Variants in TTC3 observed in about 807,000 individuals in gnomAD.
TTC3 encodes the protein tetratricopeptide repeat domain 3.
Under a neutral mutation model 249.6 loss-of-function variants are expected in TTC3, and 180 were observed. That is an observed-to-expected ratio of 0.72 (90% CI 0.64 to 0.82). TTC3 has a LOEUF of 0.82. Among genes scored for constraint, TTC3 ranks in the 40% least tolerant of loss-of-function variants. The probability of loss-of-function intolerance (pLI) is 0.00; values close to 1 mark genes in which losing one functional copy is unlikely to be tolerated. For missense variants in TTC3, 2,061 were observed against 2,398.4 expected (o/e 0.86, Z 2.94); for synonymous variants, 717 against 805.0 (o/e 0.89, Z 1.85).
intron 3 of TTC3, 156 bp from the exon 4 acceptor site, chr21:37,088,040 C>A: frequency 1.1e-6 from 1 of 931,896 alleles, no homozygotes; most frequent in Non-Finnish European, 1.6e-6. Flanking sequence ...AGAGTTTTTG[C>A]CAGCACTTAA....
intron 4 of TTC3, 113 bp downstream of exon 4, chr21:37,088,459 C>A: frequency 7.6e-7 from 1 of 1,317,020 alleles, no homozygotes; most frequent in Non-Finnish European, 1.0e-6. Context: ...TGCTGCTCAA[C>A]GTTTGTGTAA....
chr21:37,158,042 A>G (rs140474820), intron 28 of TTC3: 8,131 of 759,470 alleles, frequency 0.011, 67 homozygotes, highest in East Asian at 0.028. Flanking sequence ...ATAAAGTTCC[A>G]ATGCATATAA....
intron 35 of TTC3, among the ~76,000 whole-genome samples, chr21:37,173,631 G>T (rs2081995038): frequency 6.6e-6 from 1 of 152,206 alleles, no homozygotes; most frequent in Admixed American, 6.5e-5. Flanking sequence ...CAGAAGTCTG[G>T]ATCAATAGCT....
At chr21:37,199,130 T>C (rs2085242511) in intron 44 of TTC3, among the ~76,000 whole-genome samples, 1 of 152,126 alleles carries the variant, frequency 6.6e-6, no homozygotes. Flanking sequence ...GAGTCATGCC[T>C]TGGGAGAGAC....
intron 45 of TTC3, 119 bp from the exon 46 acceptor site, chr21:37,201,321 C>T (rs1286245995): frequency 1.2e-5 from 15 of 1,285,688 alleles, no homozygotes; most frequent in African/African-American, 1.5e-5. Context: ...TTGGGCAGCT[C>T]CAGGCCCAAG....
intron 10 of TTC3, among the ~76,000 whole-genome samples, chr21:37,105,200 A>C (rs2074957899): frequency 6.6e-6 from 1 of 152,168 alleles, no homozygotes; most frequent in African/African-American, 2.4e-5. Context: ...GGAAGCTTGA[A>C]ACATGCCAAT....
At chr21:37,137,081 C>T (rs765831203) in intron 18 of TTC3, among the ~76,000 whole-genome samples, 1 of 152,154 alleles carries the variant, frequency 6.6e-6, no homozygotes, top group Admixed American at 6.6e-5. Flanking sequence ...AGATTCTTTG[C>T]AAAATACTAT....
Position 37,164,074 on chromosome 21 carries a change from GC to G in TTC3, c.3197del (p.Pro1066HisfsTer12), listed in dbSNP as rs781191582. 6.2e-7 allele frequency: 1 copy of G among 1,609,036 alleles called. No homozygotes were observed. The highest frequency in any genetic ancestry group is 8.5e-7 in the Non-Finnish European group (1 of 1,178,904). ...AGCAATCGAAATTCAGATTCTGCAGGCCCATTTGCAGTGCCTGACCATCTTC... is the reference window on the plus strand; with the variant it reads ...AGCAATCGAAATTCAGATTCTGCAGGCCATTTGCAGTGCCTGACCATCTTC... On this transcript the variant is annotated frameshift_variant, in exon 32 of 46. Coordinates refer to ENST00000355666, the Ensembl canonical transcript of TTC3. LOFTEE classifies it high-confidence loss of function.
intron 1 of TTC3, among the ~76,000 whole-genome samples, chr21:37,074,818 C>T (rs1006835885): frequency 6.6e-6 from 1 of 152,180 alleles, no homozygotes; most frequent in African/African-American, 2.4e-5. Flanking sequence ...TGTCTTTGTT[C>T]TGCCCAATTT....
chr21:37,140,398 A>G (rs2835626), intron 19 of TTC3, among the ~76,000 whole-genome samples, 163 bp from the exon 20 acceptor site: 49,696 of 152,042 alleles, frequency 0.33, 8,468 homozygotes, highest in South Asian at 0.52. Flanking sequence ...AGAAATTTAT[A>G]TAATTCCTAA....
chr21:37,127,595 A>G (rs545707690), intron 15 of TTC3, among the ~76,000 whole-genome samples: 1 of 152,344 alleles, frequency 6.6e-6, no homozygotes, highest in Non-Finnish European at 1.5e-5. Flanking sequence ...GTGGTCACAC[A>G]TAACAGTGAC....
exon 45 of TTC3, chr21:37,200,288 G>C: frequency 6.2e-7 from 1 of 1,614,190 alleles, no homozygotes; most frequent in East Asian, 2.2e-5. Context: ...CAAAAAACGT[G>C]CGTGTGCTCA....
At chr21:37,106,079 A>AT (rs2147784677) in intron 10 of TTC3, among the ~76,000 whole-genome samples, 1 of 152,114 alleles carries the variant, frequency 6.6e-6, no homozygotes, top group South Asian at 2.1e-4. Context: ...AACACTTACT[A>AT]TTTTTCATCT....
At chr21:37,184,171 T>C (rs1036362762) in intron 36 of TTC3, among the ~76,000 whole-genome samples, 23 of 152,248 alleles carry the variant, frequency 1.5e-4, no homozygotes, top group African/African-American at 5.5e-4. Flanking sequence ...TAAAGCTTTT[T>C]ACCTCTAATA....
intron 6 of TTC3, 27 bp from the exon 7 acceptor site, chr21:37,091,266 C>T: frequency 6.3e-7 from 1 of 1,598,248 alleles, no homozygotes; most frequent in Non-Finnish European, 8.5e-7. Flanking sequence ...AACCAAAGCC[C>T]CATTCTTCAT....
intron 26 of TTC3, among the ~76,000 whole-genome samples, chr21:37,152,392 GT>G (rs1174425962): frequency 1.3e-4 from 16 of 123,434 alleles, no homozygotes; most frequent in South Asian, 3.0e-4. Context: ...TTTTTTTTTT[GT>G]TTTTTTTTTT....
intron 17 of TTC3, among the ~76,000 whole-genome samples, chr21:37,133,673 T>C (rs1275726108): frequency 6.6e-6 from 1 of 152,174 alleles, no homozygotes; most frequent in Non-Finnish European, 1.5e-5. Flanking sequence ...CTGCTGGAGC[T>C]TTCAGGACAG....
At chr21:37,095,899 C>T (rs903937168) in intron 9 of TTC3, among the ~76,000 whole-genome samples, 1 of 152,186 alleles carries the variant, frequency 6.6e-6, no homozygotes, top group African/African-American at 2.4e-5. Context: ...CTTTGCTCAG[C>T]TGCTAGAATT....
chr21:37,075,525 G>T (rs780745937), intron 1 of TTC3, among the ~76,000 whole-genome samples: 1 of 152,192 alleles, frequency 6.6e-6, no homozygotes, highest in African/African-American at 2.4e-5. Context: ...ACTGTCACTG[G>T]TGTTGAGTGA....
Sources: allele counts gnomAD v4.1 joint callset (sites outside exome capture counted in the v4.1 genomes callset), GRCh38; gene constraint gnomAD v4.1.1; transcripts MANE v1.5; gene names NCBI Gene and HGNC (gene_info 2026-07-23, HGNC 2026-07-21).